JAK1: variants seen among roughly 807,000 people sequenced by gnomAD.
The protein encoded by JAK1 is tyrosine-protein kinase JAK1.
Under a neutral mutation model 136.6 loss-of-function variants are expected in JAK1, and 16 were observed. The ratio of observed to expected loss-of-function variants is 0.12; its 90% confidence interval spans 0.08 to 0.18. JAK1 has a LOEUF of 0.18. JAK1 is among the 10% of genes least tolerant of loss of function. The pLI, the probability that JAK1 is intolerant of heterozygous loss-of-function variation, is 1.00. For synonymous variants in JAK1, 492 were observed against 519.5 expected, an observed-to-expected ratio of 0.95 and a Z score of 0.72; for missense variants, 859 against 1,450.1, an observed-to-expected ratio of 0.59 and a Z score of 6.62.
At chr1:65,061,054 C>T (rs537768121) in intron 1 of JAK1, among the ~76,000 whole-genome samples, 7 of 152,272 alleles carry the variant, frequency 4.6e-5, no homozygotes, top group Admixed American at 1.3e-4. Context: ...CTTCATAACG[C>T]ATATACCAAA....
chr1:64,864,384 G>A (rs904432654), intron 8 of JAK1, among the ~76,000 whole-genome samples: 8 of 152,264 alleles, frequency 5.3e-5, no homozygotes, highest in Admixed American at 1.3e-4. Flanking sequence ...CACTGTGGCC[G>A]AGGCTCGCCT....
At chr1:64,925,234 TAAA>T (rs35866783) in intron 1 of JAK1, among the ~76,000 whole-genome samples, 10 of 143,738 alleles carry the variant, frequency 7.0e-5, no homozygotes, top group Admixed American at 1.4e-4. Flanking sequence ...CCATCTCTAC[TAAA>T]AAAAAAAAAA....
chr1:64,901,076 T>A (rs1645098285), intron 1 of JAK1, among the ~76,000 whole-genome samples: 1 of 152,206 alleles, frequency 6.6e-6, no homozygotes, highest in Non-Finnish European at 1.5e-5. Context: ...CTGTCTTCGC[T>A]GTCTTTGAGC....
chr1:64,985,538 C>G, intron 2 of JAK1: 1 of 1,383,120 alleles, frequency 7.2e-7, no homozygotes, highest in Non-Finnish European at 1.0e-6. Context: ...AGCCTAATAG[C>G]ACAGGCCATA....
chr1:64,846,307 G>C (rs1004402853), intron 14 of JAK1, among the ~76,000 whole-genome samples: 1 of 151,984 alleles, frequency 6.6e-6, no homozygotes, highest in South Asian at 2.1e-4. Context: ...GCTGCTTGTG[G>C]GGTGCGCTCA....
intron 1 of JAK1, among the ~76,000 whole-genome samples, chr1:64,913,618 T>TGGGAGGGAGGGA (rs1227921796): frequency 1.9e-4 from 23 of 118,696 alleles, no homozygotes; most frequent in African/African-American, 7.6e-4. Context: ...AGATTCCATT[T>TGGGAGGGAGGGA]GGGAGGGAGG....
chr1:65,046,314 C>G (rs1368310652), intron 1 of JAK1, among the ~76,000 whole-genome samples: 1 of 152,150 alleles, frequency 6.6e-6, no homozygotes, highest in African/African-American at 2.4e-5. Context: ...GGATGAGGCC[C>G]TTAAGTCAGA....
chr1:65,039,667 G>A (rs1293148270), intron 2 of JAK1, among the ~76,000 whole-genome samples: 5 of 152,140 alleles, frequency 3.3e-5, no homozygotes, highest in East Asian at 3.8e-4. Flanking sequence ...ATTGAGCTGC[G>A]TACCAGTGGT....
upstream of JAK1, among the ~76,000 whole-genome samples, chr1:64,970,494 T>C (rs1646441744): frequency 6.7e-6 from 1 of 149,152 alleles, no homozygotes; most frequent in African/African-American, 2.5e-5. Context: ...ATGCCTGTAA[T>C]CCTGCAATCC....
chr1:65,017,280 C>T (rs1646899004), intron 2 of JAK1, among the ~76,000 whole-genome samples: 1 of 152,028 alleles, frequency 6.6e-6, no homozygotes, highest in Non-Finnish European at 1.5e-5. Flanking sequence ...ACCAGCCTAG[C>T]CAACATGGCG....
At position 64,886,258 on chromosome 1, in the gene JAK1, C is replaced by A. The variant is rs754853890; in HGVS notation, c.6+1G>T. The A allele has an allele frequency of 3.2e-6, 5 of 1,581,952 alleles. No homozygotes were observed. Among genetic ancestry groups the A allele is most frequent in the Non-Finnish European group, 3.5e-6 (4 of 1,158,348 alleles). On this transcript the variant is annotated splice_donor_variant, in intron 2 of 24. Coordinates refer to ENST00000342505, the MANE Select transcript of JAK1 (RefSeq NM_002227.4). LOFTEE classifies it high-confidence loss of function. ...TTTTAAAAATATGCAAATCTACATA[C>A]CTGCATTTATTCAGCTGTCCAGTGT...
intron 1 of JAK1, among the ~76,000 whole-genome samples, chr1:64,912,186 C>G (rs1159361493): frequency 6.6e-6 from 1 of 152,104 alleles, no homozygotes; most frequent in Non-Finnish European, 1.5e-5. Flanking sequence ...AGGCTGGAAC[C>G]CAGAGTAGAC....
intron 1 of JAK1, among the ~76,000 whole-genome samples, chr1:64,962,597 C>T (rs1039125): frequency 0.58 from 88,499 of 152,058 alleles, 29,089 homozygotes; most frequent in Middle Eastern, 0.82. Context: ...AATTAGTTTC[C>T]GGTCCCTGAA....
chr1:64,868,172 G>A lies in JAK1; in HGVS notation c.648-964C>T, dbSNP rs376385284. On this transcript the variant is annotated intron_variant, in intron 6 of 24. Transcript: ENST00000342505. The stretch of plus-strand genomic sequence containing the variant: ...GTTACCTATCCAGGTGCTAGTGGGC[G>A]AGTATCTACAACAAACAGAATCTAA... Among the ~76,000 whole-genome samples, 11 of 152,294 alleles carry A rather than the reference G, an allele frequency of 7.2e-5. No homozygotes were observed. The East Asian group carries it at 7.7e-4, about 11-fold the overall frequency.
At chr1:64,952,104 T>G (rs1262687759) in intron 1 of JAK1, among the ~76,000 whole-genome samples, 1 of 152,180 alleles carries the variant, frequency 6.6e-6, no homozygotes, top group Non-Finnish European at 1.5e-5. Context: ...TGAAACGCTA[T>G]ACATTTGCCC....
At chr1:64,867,264 GT>G in intron 6 of JAK1, 56 bp from the exon 7 acceptor site, 3 of 1,296,728 alleles carry the variant, frequency 2.3e-6, no homozygotes, top group Non-Finnish European at 3.2e-6. Context: ...GGAGAAAATA[GT>G]TTAGAAACAA....
At chr1:64,994,085 C>G (rs746689221) in intron 2 of JAK1, among the ~76,000 whole-genome samples, 7 of 152,142 alleles carry the variant, frequency 4.6e-5, no homozygotes, top group Non-Finnish European at 8.8e-5. Flanking sequence ...AGACTAGAGA[C>G]ACACACCACC....
chr1:64,833,813 G>C lies in JAK1; in HGVS notation c.*749C>G. 4.3e-6 allele frequency: 1 copy of C among 232,994 alleles called. No homozygotes were observed. The highest frequency in any genetic ancestry group is 6.0e-5 in the East Asian group (1 of 16,570). The allele number at this position is 232,994 out of a possible 1,614,324, so 14.4% of individuals were successfully genotyped here. On this transcript the variant is annotated 3_prime_UTR_variant, in exon 25 of 25. Transcript: ENST00000342505. The stretch of plus-strand genomic sequence containing the variant: ...AATAGCATCCAGGTTCTGGGAATGA[G>C]TTCTGATTAAAGGTATACTGCTTAG...
At chr1:65,039,027 C>A (rs963847852) in intron 2 of JAK1, among the ~76,000 whole-genome samples, 2 of 151,674 alleles carry the variant, frequency 1.3e-5, no homozygotes, top group Non-Finnish European at 1.5e-5. Flanking sequence ...AAACTCCTGG[C>A]CTCAAGCAAT....
Sources: allele counts gnomAD v4.1 joint callset (sites outside exome capture counted in the v4.1 genomes callset), GRCh38; gene constraint gnomAD v4.1.1; transcripts MANE v1.5; gene names NCBI Gene and HGNC (gene_info 2026-07-23, HGNC 2026-07-21).